SH3PXD2A: variants seen among roughly 807,000 people sequenced by gnomAD.
The protein encoded by SH3PXD2A is SH3 and PX domain-containing protein 2A.
In SH3PXD2A, 32 loss-of-function variants were observed where a neutral mutation model predicts 115.2. The observed-to-expected ratio is 0.28, with a 90% CI of 0.21 to 0.37. The LOEUF (loss-of-function observed/expected upper bound fraction) is 0.37. Among genes scored for constraint, SH3PXD2A ranks in the 10% least tolerant of loss-of-function variants. The pLI is 1.00. For synonymous variants in SH3PXD2A, 610 were observed against 629.1 expected (o/e 0.97, Z 0.45); for missense variants, 1,328 against 1,498.7 (o/e 0.89, Z 1.88).
intron 13 of SH3PXD2A, chr10:103,608,987 TAC>T (rs147633138): frequency 6.6e-5 from 10 of 150,754 alleles, no homozygotes; most frequent in African/African-American, 1.2e-4. Flanking sequence ...CACACACACA[TAC>T]ACACACACAC....
intron 1 of SH3PXD2A, among the ~76,000 whole-genome samples, chr10:103,823,496 T>C (rs1372038334): frequency 6.6e-6 from 1 of 152,188 alleles, no homozygotes; most frequent in Non-Finnish European, 1.5e-5. Flanking sequence ...GAGGCCACCC[T>C]AGCAAGTTCC....
intron 8 of SH3PXD2A, among the ~76,000 whole-genome samples, chr10:103,629,520 G>A (rs2036747574): frequency 6.6e-6 from 1 of 152,234 alleles, no homozygotes; most frequent in Admixed American, 6.5e-5. Flanking sequence ...GCTAGCTACA[G>A]TGGGCAAGGG....
intron 3 of SH3PXD2A, among the ~76,000 whole-genome samples, chr10:103,753,252 G>A (rs1408082046): frequency 6.7e-6 from 1 of 148,922 alleles, no homozygotes; most frequent in Non-Finnish European, 1.5e-5. Context: ...GGCCAAGGTG[G>A]GCAGATCACT....
chr10:103,850,184 T>C (rs1842883925), intron 1 of SH3PXD2A, among the ~76,000 whole-genome samples: 1 of 152,228 alleles, frequency 6.6e-6, no homozygotes, highest in South Asian at 2.1e-4. Flanking sequence ...ATTTCTGGGC[T>C]GGAATCGGTC....
At chr10:103,807,091 C>A (rs1450700358) in intron 1 of SH3PXD2A, among the ~76,000 whole-genome samples, 1 of 152,202 alleles carries the variant, frequency 6.6e-6, no homozygotes, top group African/African-American at 2.4e-5. Flanking sequence ...CTCCTTTCAA[C>A]AAGAAAATGG....
At chr10:103,739,182 C>T (rs2038415433) in intron 3 of SH3PXD2A, among the ~76,000 whole-genome samples, 1 of 152,182 alleles carries the variant, frequency 6.6e-6, no homozygotes, top group Non-Finnish European at 1.5e-5. Context: ...CCTGACTCCT[C>T]CCCATGCTGG....
intron 2 of SH3PXD2A, among the ~76,000 whole-genome samples, chr10:103,773,096 C>T (rs2038844428): frequency 6.6e-6 from 1 of 151,882 alleles, no homozygotes; most frequent in Non-Finnish European, 1.5e-5. Context: ...TGGTGGCGGG[C>T]GCCTATAATC....
intron 1 of SH3PXD2A, among the ~76,000 whole-genome samples, chr10:103,811,348 A>G (rs543451290): frequency 2.0e-5 from 3 of 152,248 alleles, no homozygotes; most frequent in Non-Finnish European, 4.4e-5. Context: ...CAGGAGTAAA[A>G]GAAACACTAA....
At chr10:103,849,794 A>C (rs1378951429) in intron 1 of SH3PXD2A, among the ~76,000 whole-genome samples, 1 of 152,070 alleles carries the variant, frequency 6.6e-6, no homozygotes, top group Non-Finnish European at 1.5e-5. Flanking sequence ...CAAAGCCAGA[A>C]TCTCCACCTC....
At position 103,602,707 on chromosome 10, in the gene SH3PXD2A, T is replaced by C. The variant is rs1476904630; in HGVS notation, c.2511A>G (p.Glu837=). ...TGTACGAGGTGGCTGGCCCTTCCCA[T>C]TCCTTCTTGGTGGGACATGGGGGAG... is the stretch of plus-strand genomic sequence containing the variant. ...ATTPPCPTKK[E]WEGPATSYMT... The change falls in exon 15 of 15, where the codon GAA becomes GAG. Residue 837 remains glutamate (E), a synonymous_variant. Transcript: ENST00000369774. 1 of 1,614,084 alleles carries C rather than the reference T, an allele frequency of 6.2e-7. No homozygotes were observed. The highest frequency in any genetic ancestry group is 8.5e-7 in the Non-Finnish European group (1 of 1,180,018).
chr10:103,636,272 G>C (rs1255493107), intron 8 of SH3PXD2A, among the ~76,000 whole-genome samples: 1 of 152,102 alleles, frequency 6.6e-6, no homozygotes, highest in African/African-American at 2.4e-5. Flanking sequence ...AGCCGGGCGT[G>C]GTGGCGGGCG....
chr10:103,683,472 C>G (rs1049860056), intron 6 of SH3PXD2A, among the ~76,000 whole-genome samples: 1 of 152,174 alleles, frequency 6.6e-6, no homozygotes, highest in East Asian at 1.9e-4. Flanking sequence ...CTACTGCACT[C>G]TAGCCTGGGT....
intron 1 of SH3PXD2A, among the ~76,000 whole-genome samples, chr10:103,850,425 T>C (rs1404929225): frequency 6.6e-6 from 1 of 152,122 alleles, no homozygotes; most frequent in Non-Finnish European, 1.5e-5. Flanking sequence ...CCTCGATCAC[T>C]TCCCTCCCCA....
intron 1 of SH3PXD2A, among the ~76,000 whole-genome samples, chr10:103,806,588 C>T (rs1159278102): frequency 2.0e-5 from 3 of 152,188 alleles, no homozygotes; most frequent in South Asian, 4.1e-4. Flanking sequence ...CCTCCAGCCT[C>T]AGGAGCAGTC....
chr10:103,848,980 T>C (rs1842873190), intron 1 of SH3PXD2A, among the ~76,000 whole-genome samples: 1 of 108,850 alleles, frequency 9.2e-6, no homozygotes, highest in Non-Finnish European at 1.8e-5. Flanking sequence ...TTTTTTTTAC[T>C]GATGAGGAAA....
At chr10:103,771,774 CACACACAG>C (rs1484651063) in intron 2 of SH3PXD2A, among the ~76,000 whole-genome samples, 1 of 150,788 alleles carries the variant, frequency 6.6e-6, no homozygotes, top group African/African-American at 2.5e-5. Flanking sequence ...CACACACACA[CACACACAG>C]ACACACACAT....
chr10:103,607,895 G>T (rs2036350154), intron 13 of SH3PXD2A, among the ~76,000 whole-genome samples: 1 of 151,930 alleles, frequency 6.6e-6, no homozygotes, highest in Non-Finnish European at 1.5e-5. Flanking sequence ...GTCCACTCAG[G>T]GTTAAATGGA....
At chr10:103,759,447 A>C (rs558259466) in intron 3 of SH3PXD2A, among the ~76,000 whole-genome samples, 25 of 152,288 alleles carry the variant, frequency 1.6e-4, no homozygotes, top group African/African-American at 6.0e-4. Flanking sequence ...GCATGGGACT[A>C]ACTCAGCTAT....
intron 2 of SH3PXD2A, among the ~76,000 whole-genome samples, chr10:103,794,265 A>G (rs753262508): frequency 6.6e-6 from 1 of 152,230 alleles, no homozygotes; most frequent in South Asian, 2.1e-4. Flanking sequence ...TTCAGAGCCA[A>G]TGAGCAAACC....
Sources: allele counts gnomAD v4.1 joint callset (sites outside exome capture counted in the v4.1 genomes callset), GRCh38; gene constraint gnomAD v4.1.1; transcripts MANE v1.5; gene names NCBI Gene and HGNC (gene_info 2026-07-23, HGNC 2026-07-21).